Variants in NOP9 observed in about 807,000 individuals in gnomAD.
NOP9 encodes nucleolar protein 9.
In NOP9, 50 loss-of-function variants were observed where a neutral mutation model predicts 63.0. The ratio of observed to expected loss-of-function variants is 0.79; its 90% CI spans 0.63 to 1.00. The LOEUF (loss-of-function observed/expected upper bound fraction) is 1.00. Among genes scored for constraint, NOP9 ranks in the 50% least tolerant of loss-of-function variants. The probability of loss-of-function intolerance (pLI) is 0.00; values close to 1 mark genes in which losing one functional copy is unlikely to be tolerated. For synonymous variants in NOP9, 343 were observed against 332.8 expected (o/e 1.03, Z -0.33); for missense variants, 758 against 803.0 (o/e 0.94, Z 0.68).
In NOP9 at chr14:24,305,206, AT is replaced by A; in HGVS notation, c.*116del. On this transcript the variant is annotated 3_prime_UTR_variant, in exon 10 of 10. Transcript: ENST00000267425. Reference sequence around the variant, plus strand: ...GAAGTCTTAGTGGTAAATATTTGATATTTTTATTGGAAATGTTTTTGTTAGT... The same window carrying A: ...GAAGTCTTAGTGGTAAATATTTGATATTTTATTGGAAATGTTTTTGTTAGT... 8.8e-7 allele frequency: 1 copy of A among 1,134,870 alleles called. No homozygotes were observed. Among genetic ancestry groups the A allele is most frequent in the Non-Finnish European group, 1.2e-6 (1 of 851,076 alleles). 70.3% of individuals were successfully genotyped at this position (1,134,870 alleles called of 1,614,324 possible).
chr14:24,285,506 A>G, the NOP9 span, among the ~76,000 whole-genome samples: 1 of 152,050 alleles, frequency 6.6e-6, no homozygotes, highest in African/African-American at 2.4e-5. Context: ...GCACGCAGCA[A>G]ATCTCTTCTC....
At chr14:24,299,261 G>A (rs943902240), upstream of NOP9, 47 of 856,092 alleles carry the variant, frequency 5.5e-5, no homozygotes, top group Admixed American at 1.2e-4. Context: ...TGAGGGGAGA[G>A]GAGTCAGAGG....
Position 24,300,018 on chromosome 14 carries a change from G to A in NOP9, c.64G>A (p.Gly22Arg). ...CCGGTTCCCAGCTGGTGGCAAACGG[G>A]GGCGCGGGGCCAAGGGGTCGGGGCG... Reference protein sequence around the residue: ...GRRFPAGGKRGRGAKGSGRPL... With the variant: ...GRRFPAGGKRRRGAKGSGRPL... The change falls in exon 1 of 10, where the codon GGG (glycine) becomes AGG (arginine). Residue 22 changes from glycine (G) to arginine (R), a missense_variant. Physicochemically the swap from Gly to Arg is moderately radical, Grantham distance 125. Transcript: ENST00000267425. 1 of 1,601,576 alleles carries A rather than the reference G, an allele frequency of 6.2e-7. No individual in the cohort carries two copies. Among genetic ancestry groups the A allele is most frequent in the Non-Finnish European group, 8.5e-7 (1 of 1,173,224 alleles).
chr14:24,299,791 C>G (rs2041331520), upstream of NOP9: 8 of 884,096 alleles, frequency 9.0e-6, no homozygotes, highest in Middle Eastern at 3.5e-4. Flanking sequence ...GGGTGACACA[C>G]CCACCCCGCC....
chr14:24,290,915 G>C, the NOP9 span: 1 of 1,614,040 alleles, frequency 6.2e-7, no homozygotes, highest in Admixed American at 1.7e-5. Flanking sequence ...AGGAAGGAGG[G>C]CAGGTAGGAG....
the NOP9 span, chr14:24,291,752 G>C: frequency 1.0e-6 from 1 of 988,106 alleles, no homozygotes; most frequent in Non-Finnish European, 1.6e-6. Flanking sequence ...CCTCAAGCAG[G>C]GCCTGTAGGA....
At position 24,307,609 on chromosome 14, in the gene NOP9, G is replaced by T; in HGVS notation, c.*2514G>T. 1.4e-6 allele frequency: 2 copies of T among 1,449,076 alleles called. No individual in the cohort carries two copies. The highest frequency in any genetic ancestry group is 9.5e-7 in the Non-Finnish European group (1 of 1,050,056). 89.8% of individuals were successfully genotyped at this position (1,449,076 alleles called of 1,614,324 possible). A position where few individuals can be genotyped will look rare whatever the true frequency, so the allele number is the denominator to read the frequency against. On this transcript the variant is annotated 3_prime_UTR_variant, in exon 10 of 10. Coordinates refer to ENST00000267425, the MANE Select transcript of NOP9 (RefSeq NM_174913.3). ...GGTAGAGTGGCTAGAGGGCTAGGGA[G>T]GGAGAGATCTAGGTTTATCGATTAG... is the stretch of plus-strand genomic sequence containing the variant.
At chr14:24,301,280 G>C (rs747820884) in intron 2 of NOP9, among the ~76,000 whole-genome samples, 1 of 152,020 alleles carries the variant, frequency 6.6e-6, no homozygotes, top group Admixed American at 6.5e-5. Context: ...CCACTAACTT[G>C]ATTTCATGGT....
the NOP9 span, among the ~76,000 whole-genome samples, chr14:24,282,662 G>A: frequency 2.6e-5 from 4 of 152,174 alleles, no homozygotes; most frequent in Admixed American, 2.6e-4. Context: ...TGGGGCATAT[G>A]TGTTGGTACT....
the NOP9 span, among the ~76,000 whole-genome samples, chr14:24,282,015 C>G: frequency 3.3e-5 from 5 of 152,286 alleles, no homozygotes; most frequent in East Asian, 7.7e-4. Context: ...TGAGACCAGC[C>G]TGGGAAACCC....
At chr14:24,304,913 T>C (rs1405844683) in intron 9 of NOP9, 25 bp from the exon 10 acceptor site, 1 of 1,508,552 alleles carries the variant, frequency 6.6e-7, no homozygotes, top group Non-Finnish European at 8.9e-7. Context: ...ATGGTAGTAC[T>C]AAACATGAGT....
rs540369580 is a variant in NOP9 at position 24,304,603 on chromosome 14, G to A, written c.1753+5G>A. ...AGGAAATTGCTGCTGAGCTTGGTGA[G>A]TACCAGCCCCTCTCTTTGATGTTTC... is the stretch of plus-strand genomic sequence containing the variant. On this transcript the variant is annotated splice_donor_5th_base_variant and intron_variant, in intron 9 of 9. Coordinates refer to ENST00000267425, the MANE Select transcript of NOP9 (RefSeq NM_174913.3). 6 of 1,586,078 alleles carry A rather than the reference G, an allele frequency of 3.8e-6. No individual in the cohort carries two copies. The African/African-American group carries it at 6.8e-5, about 18-fold the overall frequency.
upstream of NOP9, chr14:24,299,231 G>C (rs2041322283): frequency 8.6e-7 from 1 of 1,156,710 alleles, no homozygotes; most frequent in African/African-American, 1.6e-5. Context: ...CTAAGAGGAG[G>C]AGCCAAGGTA....
chr14:24,291,246 G>A, the NOP9 span: 1 of 1,609,222 alleles, frequency 6.2e-7, no homozygotes, highest in Non-Finnish European at 8.5e-7. Context: ...AGGTGGAGAT[G>A]GCAGGCAGGG....
Position 24,299,885 on chromosome 14 carries a change from C to G in NOP9, c.-70C>G. On this transcript the variant is annotated 5_prime_UTR_variant, in exon 1 of 10. Transcript: ENST00000267425. ...CTAAACTTTGTCTGGATAAGGCGCA[C>G]GCTTGGCGACGTCGAAGGTCCGTCC... is the stretch of plus-strand genomic sequence containing the variant. 26 of 1,486,246 alleles carry G rather than the reference C, an allele frequency of 1.7e-5. No individual in the cohort carries two copies. Among genetic ancestry groups the G allele is most frequent in the Non-Finnish European group, 2.2e-5 (25 of 1,121,112 alleles). The allele number at this position is 1,486,246 out of a possible 1,614,324, so 92.1% of individuals were successfully genotyped here.
the NOP9 span, chr14:24,292,462 G>A: frequency 3.8e-5 from 55 of 1,466,382 alleles, no homozygotes; most frequent in Non-Finnish European, 4.6e-5. Context: ...AGCTGCCCAC[G>A]CTCCCCAGTG....
In NOP9 at chr14:24,300,808, GACTA is replaced by G. The variant is rs1255491326; in HGVS notation, c.649_652del (p.Thr217PhefsTer37). Reference sequence around the variant, plus strand: ...GAACTCTGCTTCAGGTGTTAGGAGGGACTATTCTGGAGTCTGAGAGAGCCAGGCC... The same window carrying G: ...GAACTCTGCTTCAGGTGTTAGGAGGGTTCTGGAGTCTGAGAGAGCCAGGCC... On this transcript the variant is annotated frameshift_variant, in exon 2 of 10. Transcript: ENST00000267425. LOFTEE classifies it high-confidence loss of function. 6.2e-7 allele frequency: 1 copy of G among 1,614,202 alleles called. No homozygotes were observed. The highest frequency in any genetic ancestry group is 2.2e-5 in the East Asian group (1 of 44,890).
the NOP9 span, among the ~76,000 whole-genome samples, chr14:24,287,453 G>A: frequency 6.6e-6 from 1 of 152,172 alleles, no homozygotes; most frequent in African/African-American, 2.4e-5. Flanking sequence ...GGGTGCTCGT[G>A]CTTGGCTTCA....
At chr14:24,304,448 TTG>T in intron 8 of NOP9, 43 bp from the exon 9 acceptor site, 1 of 1,513,568 alleles carries the variant, frequency 6.6e-7, no homozygotes, top group Non-Finnish European at 9.0e-7. Context: ...CAAAATACTT[TTG>T]TGGATTTTGC....
Sources: gnomAD v4.1 joint callset for allele counts (sites outside exome capture counted in the v4.1 genomes callset) on GRCh38, gnomAD v4.1.1 for gene constraint, MANE v1.5 for transcripts, NCBI Gene and HGNC (gene_info 2026-07-23, HGNC 2026-07-21) for gene names.